The following KCNK13 variants were observed in gnomAD, a reference collection of about 807,000 sequenced individuals.
The protein encoded by KCNK13 is potassium channel subfamily K member 13.
In KCNK13, 12 loss-of-function variants were observed where a neutral mutation model predicts 23.4. The observed-to-expected ratio is 0.51, with a 90% CI of 0.33 to 0.83. The LOEUF (loss-of-function observed/expected upper bound fraction) is 0.83, where lower values mean the gene tolerates loss of function less well. KCNK13 is among the 40% of genes least tolerant of loss of function. The probability of loss-of-function intolerance (pLI) is 0.02; values close to 1 mark genes in which losing one functional copy is unlikely to be tolerated. For missense variants in KCNK13, 463 were observed against 556.3 expected (o/e 0.83, Z 1.69); for synonymous variants, 231 against 229.5 (o/e 1.01, Z -0.06).
At chr14:90,090,796 TAA>T (rs1889336033) in intron 1 of KCNK13, among the ~76,000 whole-genome samples, 1 of 152,208 alleles carries the variant, frequency 6.6e-6, no homozygotes, top group Admixed American at 6.5e-5. Flanking sequence ...CTGGTGGTTT[TAA>T]AAACAGGAGT....
rs182510514 is a variant in KCNK13, at chr14:90,099,246, C to T, written c.334+36707C>T. Reference sequence around the variant, plus strand: ...TTCTCAGTCAGTCGAGGTTTCTCAGCGCAGTTGAACTTTCACGTGAGGAAT... The same window carrying T: ...TTCTCAGTCAGTCGAGGTTTCTCAGTGCAGTTGAACTTTCACGTGAGGAAT... On this transcript the variant is annotated intron_variant, in intron 1 of 1. Coordinates refer to ENST00000282146, the MANE Select transcript of KCNK13 (RefSeq NM_022054.4). Among the ~76,000 whole-genome samples the T allele has an allele frequency of 4.6e-5, 7 of 152,252 alleles. No homozygotes were observed. The East Asian group carries it at 5.8e-4, about 13-fold the overall frequency.
Position 90,181,567 on chromosome 14 carries a change from C to T in KCNK13, c.335-2544C>T, listed in dbSNP as rs74931804. Among the ~76,000 whole-genome samples, 1,197 of 152,306 alleles carry T rather than the reference C, an allele frequency of 7.9e-3. 50 individuals are homozygous for T. The highest frequency in any genetic ancestry group is 0.077 in the East Asian group (399 of 5,162). ...TATGAATTTGGGGGGCACATAAACA[C>T]TCAGACCACGGCAGTGGCCCAGACA... On this transcript the variant is annotated intron_variant, in intron 1 of 1. Transcript: ENST00000282146.
chr14:90,146,564 C>T lies in KCNK13; in HGVS notation c.335-37547C>T, dbSNP rs530371779. ...CTCCTGACCCCAGGTGATCCACCCA[C>T]CTCAGCCTCCCAAAGTACTAGGATT... is the stretch of plus-strand genomic sequence containing the variant. On this transcript the variant is annotated intron_variant, in intron 1 of 1. Coordinates refer to ENST00000282146, the MANE Select transcript of KCNK13 (RefSeq NM_022054.4). 3.9e-5 allele frequency among the ~76,000 whole-genome samples: 6 copies of T among 152,240 alleles called. No homozygotes were observed. In the South Asian group the frequency reaches 1.2e-3, roughly 32 times the overall value.
intron 1 of KCNK13, among the ~76,000 whole-genome samples, chr14:90,117,191 G>A (rs1889686746): frequency 6.6e-6 from 1 of 152,186 alleles, no homozygotes; most frequent in African/African-American, 2.4e-5. Flanking sequence ...TGACTCAGGG[G>A]CAGCAGTGTA....
At chr14:90,145,912 G>A (rs71426941) in intron 1 of KCNK13, among the ~76,000 whole-genome samples, 30 of 152,158 alleles carry the variant, frequency 2.0e-4, no homozygotes, top group Non-Finnish European at 3.2e-4. Context: ...GGGAGGTGCC[G>A]AGGTAGGAGG....
chr14:90,079,392 G>A (rs546278526), intron 1 of KCNK13, among the ~76,000 whole-genome samples: 6 of 152,016 alleles, frequency 3.9e-5, no homozygotes, highest in African/African-American at 1.5e-4. Context: ...TTATTTTATG[G>A]AGCATAAATT....
intron 1 of KCNK13, among the ~76,000 whole-genome samples, chr14:90,104,625 C>A (rs1182350306): frequency 2.6e-5 from 4 of 151,774 alleles, no homozygotes; most frequent in African/African-American, 4.8e-5. Context: ...GATGTGCATT[C>A]TGTTTCTTTC....
intron 1 of KCNK13, among the ~76,000 whole-genome samples, chr14:90,115,068 G>T (rs1190167295): frequency 6.6e-6 from 1 of 152,166 alleles, no homozygotes; most frequent in Non-Finnish European, 1.5e-5. Context: ...GCAGATTCTG[G>T]CAACCAGGAG....
At chr14:90,175,631 C>G (rs1890414519) in intron 1 of KCNK13, among the ~76,000 whole-genome samples, 1 of 152,182 alleles carries the variant, frequency 6.6e-6, no homozygotes, top group African/African-American at 2.4e-5. Flanking sequence ...AAACAGGTGC[C>G]TGTTGAAAAC....
In KCNK13 at chr14:90,081,171, G is replaced by A. The variant is rs185354062; in HGVS notation, c.334+18632G>A. On this transcript the variant is annotated intron_variant, in intron 1 of 1. Transcript: ENST00000282146. ...ATATGTGGTGATTTCCATTAGTTGG[G>A]AAGTTCTAGGCCAAAGGCAAAATTT... Among the ~76,000 whole-genome samples, 418 of 152,364 alleles carry A rather than the reference G, an allele frequency of 2.7e-3. 3 individuals are homozygous for A. Among genetic ancestry groups the A allele is most frequent in the African/African-American group, 9.6e-3 (401 of 41,584 alleles).
chr14:90,094,803 A>T (rs1181275626), intron 1 of KCNK13, among the ~76,000 whole-genome samples: 1 of 151,380 alleles, frequency 6.6e-6, no homozygotes, highest in Non-Finnish European at 1.5e-5. Context: ...GCCCACCACC[A>T]CGCCTGGCTA....
At chr14:90,159,123 G>T (rs1180992479) in intron 1 of KCNK13, among the ~76,000 whole-genome samples, 2 of 152,230 alleles carry the variant, frequency 1.3e-5, no homozygotes, top group Admixed American at 6.5e-5. Flanking sequence ...CTTGGTGGAA[G>T]AGCAAAGAGA....
At chr14:90,103,349 C>A (rs1163950048) in intron 1 of KCNK13, among the ~76,000 whole-genome samples, 1 of 152,152 alleles carries the variant, frequency 6.6e-6, no homozygotes, top group Non-Finnish European at 1.5e-5. Context: ...TTTGAGAAAT[C>A]TCCAAACTGC....
rs35452662 is a variant in KCNK13, at chr14:90,125,599, GCACA to G, written c.335-58488_335-58485del. On this transcript the variant is annotated intron_variant, in intron 1 of 1. Transcript: ENST00000282146. Reference sequence around the variant, plus strand: ...TAAGGAAGTGCGTAAACACACACACGCACACACACACACACACACACACACACGC... The same window carrying G: ...TAAGGAAGTGCGTAAACACACACACGCACACACACACACACACACACACGC... 0.011 allele frequency among the ~76,000 whole-genome samples: 702 copies of G among 64,648 alleles called. 13 individuals are homozygous for G. In the East Asian group the frequency reaches 0.11, roughly 10 times the overall value. The allele number at this position is 64,648 out of a possible 152,430, so 42.4% of individuals were successfully genotyped here.
intron 1 of KCNK13, among the ~76,000 whole-genome samples, chr14:90,070,495 A>G (rs967204687): frequency 1.3e-5 from 2 of 152,248 alleles, no homozygotes; most frequent in South Asian, 2.1e-4. Flanking sequence ...GACCCTGTCT[A>G]AAGACTGAAT....
chr14:90,066,351 G>A (rs1402279977), intron 1 of KCNK13, among the ~76,000 whole-genome samples: 5 of 149,002 alleles, frequency 3.4e-5, no homozygotes, highest in Non-Finnish European at 7.4e-5. Context: ...TGCAACGTCC[G>A]TGCCTCCCAG....
At chr14:90,160,005 G>C (rs1045973120) in intron 1 of KCNK13, among the ~76,000 whole-genome samples, 6 of 151,756 alleles carry the variant, frequency 4.0e-5, no homozygotes, top group Admixed American at 3.3e-4. Context: ...GGGGTTGCAG[G>C]ACAAGCCTCT....
intron 1 of KCNK13, among the ~76,000 whole-genome samples, chr14:90,103,494 A>T (rs1889505936): frequency 1.3e-5 from 2 of 152,274 alleles, no homozygotes; most frequent in South Asian, 4.2e-4. Context: ...TTCCCATGAA[A>T]AATAATGCAG....
intron 1 of KCNK13, among the ~76,000 whole-genome samples, chr14:90,151,151 T>C (rs78905033): frequency 0.065 from 9,885 of 152,232 alleles, 411 homozygotes; most frequent in South Asian, 0.21. Context: ...ACCAATTAAA[T>C]GTCTTTTCTT....
Sources: gnomAD v4.1 joint callset for allele counts (sites outside exome capture counted in the v4.1 genomes callset) on GRCh38, gnomAD v4.1.1 for gene constraint, MANE v1.5 for transcripts, NCBI Gene and HGNC (gene_info 2026-07-23, HGNC 2026-07-21) for gene names.